The following ANKS1B variants were observed in gnomAD, a reference collection of about 807,000 sequenced individuals.
ANKS1B encodes ankyrin repeat and sterile alpha motif domain-containing protein 1B.
A neutral mutation model predicts 148.3 loss-of-function variants in ANKS1B; 36 were observed. The observed-to-expected ratio is 0.24, with a 90% CI of 0.19 to 0.32. ANKS1B has a LOEUF of 0.32. Ranked by LOEUF, ANKS1B falls within the 10% of genes least tolerant of loss-of-function variation. The pLI, the probability that ANKS1B is intolerant of heterozygous loss-of-function variation, is 1.00. For missense variants in ANKS1B, 1,157 were observed against 1,542.6 expected (o/e 0.75, Z 4.19); for synonymous variants, 542 against 560.8 (o/e 0.97, Z 0.47).
At chr12:98,782,244 A>G (rs2098744318) in intron 22 of ANKS1B, 107 bp from the exon 23 acceptor site, 4 of 956,526 alleles carry the variant, frequency 4.2e-6, no homozygotes, top group Admixed American at 4.6e-5. Context: ...GTGTAAATTC[A>G]TTAAAAAACA....
At chr12:98,841,634 T>A (rs898152931) in intron 17 of ANKS1B, among the ~76,000 whole-genome samples, 1 of 152,120 alleles carries the variant, frequency 6.6e-6, no homozygotes, top group African/African-American at 2.4e-5. Flanking sequence ...TACTGCACTT[T>A]AGAATTGGAC....
intron 19 of ANKS1B, among the ~76,000 whole-genome samples, chr12:98,819,477 CT>C (rs2099167090): frequency 6.6e-6 from 1 of 152,154 alleles, no homozygotes; most frequent in South Asian, 2.1e-4. Flanking sequence ...CAGATGTATT[CT>C]TTGTTGTTTC....
intron 12 of ANKS1B, among the ~76,000 whole-genome samples, chr12:99,302,947 C>T (rs1182996192): frequency 1.3e-5 from 2 of 152,026 alleles, no homozygotes; most frequent in African/African-American, 4.8e-5. Context: ...ATGAGAAGTC[C>T]AGAAGATTAG....
chr12:99,718,085 A>G (rs2057617810), intron 8 of ANKS1B, among the ~76,000 whole-genome samples: 1 of 151,424 alleles, frequency 6.6e-6, no homozygotes, highest in Non-Finnish European at 1.5e-5. Context: ...TTGTATTTTT[A>G]GTAGAGACGG....
intron 16 of ANKS1B, among the ~76,000 whole-genome samples, chr12:99,062,980 T>A (rs2042934718): frequency 6.6e-6 from 1 of 152,158 alleles, no homozygotes; most frequent in Non-Finnish European, 1.5e-5. Context: ...GAGAGCTGGA[T>A]GCTTGTACGT....
chr12:98,785,033 C>G (rs2098777765), intron 22 of ANKS1B, among the ~76,000 whole-genome samples: 1 of 152,162 alleles, frequency 6.6e-6, no homozygotes. Context: ...TGGGTAGAGC[C>G]CCTCCTTGAA....
intron 17 of ANKS1B, among the ~76,000 whole-genome samples, chr12:98,933,925 G>A (rs1267058079): frequency 6.6e-6 from 1 of 151,618 alleles, no homozygotes; most frequent in Non-Finnish European, 1.5e-5. Flanking sequence ...TCTGATATAT[G>A]GTTTGCAAAT....
At chr12:98,899,484 T>G (rs1195732553) in intron 17 of ANKS1B, among the ~76,000 whole-genome samples, 1 of 152,230 alleles carries the variant, frequency 6.6e-6, no homozygotes, top group Non-Finnish European at 1.5e-5. Flanking sequence ...CTATAGTCAG[T>G]TGACTTTAAC....
In ANKS1B at chr12:99,181,699, T is replaced by C. The variant is rs139549182; in HGVS notation, c.2420-27304A>G. On this transcript the variant is annotated intron_variant, in intron 14 of 26. Coordinates refer to ENST00000683438, the MANE Select transcript of ANKS1B (RefSeq NM_001352186.2). ...ATAATGGGTGTATATACTTATGGGG[T>C]ATATGAGATTTTTCATACAGGCATA... Among the ~76,000 whole-genome samples, 1,201 of 152,070 alleles carry C rather than the reference T, an allele frequency of 7.9e-3. 20 individuals carry two copies. Among genetic ancestry groups the C allele is most frequent in the African/African-American group, 0.028 (1,153 of 41,490 alleles).
At chr12:99,067,676 G>A (rs2044814968) in intron 16 of ANKS1B, among the ~76,000 whole-genome samples, 1 of 152,188 alleles carries the variant, frequency 6.6e-6, no homozygotes, top group Non-Finnish European at 1.5e-5. Context: ...GCAGAGAAGT[G>A]TTGCTCTATG....
chr12:99,533,976 C>T (rs772428450), intron 9 of ANKS1B, among the ~76,000 whole-genome samples: 1 of 152,124 alleles, frequency 6.6e-6, no homozygotes, highest in African/African-American at 2.4e-5. Context: ...ACCTTCCAAT[C>T]CCTGTGCTAT....
chr12:99,726,360 A>G (rs1266691675), intron 8 of ANKS1B, among the ~76,000 whole-genome samples: 1 of 152,242 alleles, frequency 6.6e-6, no homozygotes, highest in Non-Finnish European at 1.5e-5. Context: ...AAACACCTCT[A>G]TGCAAATAAA....
chr12:99,268,325 G>GA (rs1032370806), intron 12 of ANKS1B, among the ~76,000 whole-genome samples: 51 of 152,288 alleles, frequency 3.3e-4, no homozygotes, highest in South Asian at 1.2e-3. Flanking sequence ...GAGTCCCCTT[G>GA]AAAAAGGGGA....
At chr12:99,043,218 A>G (rs2099960223) in intron 17 of ANKS1B, among the ~76,000 whole-genome samples, 1 of 152,234 alleles carries the variant, frequency 6.6e-6, no homozygotes, top group Admixed American at 6.5e-5. Flanking sequence ...CTCCTAGAGA[A>G]TATATGCATA....
intron 14 of ANKS1B, among the ~76,000 whole-genome samples, chr12:99,221,958 GATT>G (rs1295223526): frequency 1.3e-5 from 2 of 152,102 alleles, no homozygotes; most frequent in East Asian, 1.9e-4. Context: ...ATATTAATAG[GATT>G]ATTATTATTT....
chr12:99,764,941 A>G (rs2062502560), intron 8 of ANKS1B, among the ~76,000 whole-genome samples: 1 of 152,148 alleles, frequency 6.6e-6, no homozygotes, highest in Admixed American at 6.6e-5. Flanking sequence ...GCTCAGAATA[A>G]ATATGAGCAG....
intron 8 of ANKS1B, among the ~76,000 whole-genome samples, chr12:99,709,861 C>T (rs1247385134): frequency 6.6e-6 from 1 of 152,082 alleles, no homozygotes; most frequent in Non-Finnish European, 1.5e-5. Context: ...AATGTTTCTA[C>T]TTCTGATTCC....
chr12:99,768,759 G>A (rs2062901237), intron 8 of ANKS1B, among the ~76,000 whole-genome samples: 1 of 149,002 alleles, frequency 6.7e-6, no homozygotes, highest in Admixed American at 6.8e-5. Context: ...CCCGGAGGCG[G>A]AGGTTGCAGT....
chr12:99,872,100 TA>T (rs2153729398), intron 1 of ANKS1B, among the ~76,000 whole-genome samples: 1 of 152,204 alleles, frequency 6.6e-6, no homozygotes, highest in Non-Finnish European at 1.5e-5. Flanking sequence ...TGGCTAAAAT[TA>T]AAAAGATTAT....
Sources: allele counts gnomAD v4.1 joint callset (sites outside exome capture counted in the v4.1 genomes callset), GRCh38; gene constraint gnomAD v4.1.1; transcripts MANE v1.5; gene names NCBI Gene and HGNC (gene_info 2026-07-23, HGNC 2026-07-21).